The following RHBDD1 variants were observed in gnomAD, a reference collection of about 807,000 sequenced individuals.
RHBDD1 encodes the protein rhomboid domain containing 1.
Under a neutral mutation model 36.3 loss-of-function variants are expected in RHBDD1, and 38 were observed. The observed-to-expected ratio is 1.05, with a 90% CI of 0.81 to 1.37. The LOEUF (loss-of-function observed/expected upper bound fraction) is 1.37, where lower values mean the gene tolerates loss of function less well. RHBDD1 is among the 40% of genes most tolerant of loss of function. The pLI is 0.00. For missense variants in RHBDD1, 393 were observed against 377.6 expected, an observed-to-expected ratio of 1.04 and a Z score of -0.34; for synonymous variants, 151 against 136.5, an observed-to-expected ratio of 1.11 and a Z score of -0.74.
At chr2:226,952,839 T>C (rs899148465) in intron 8 of RHBDD1, among the ~76,000 whole-genome samples, 2 of 151,870 alleles carry the variant, frequency 1.3e-5, no homozygotes, top group African/African-American at 4.8e-5. Flanking sequence ...TGGAGGGAAC[T>C]AGTAAGGCAT....
chr2:226,920,252 G>A (rs1024209256), intron 8 of RHBDD1, among the ~76,000 whole-genome samples: 12 of 151,924 alleles, frequency 7.9e-5, no homozygotes, highest in Non-Finnish European at 1.2e-4. Context: ...TTTATATCCT[G>A]CAACTTTCCT....
the RHBDD1 span, among the ~76,000 whole-genome samples, chr2:226,812,380 G>A: frequency 1.3e-5 from 2 of 152,186 alleles, no homozygotes; most frequent in Admixed American, 1.3e-4. Context: ...ATTTGACCTA[G>A]CAATTCCATC....
intron 8 of RHBDD1, among the ~76,000 whole-genome samples, chr2:226,952,143 TACTA>T (rs1188361141): frequency 6.6e-6 from 1 of 152,146 alleles, no homozygotes; most frequent in Non-Finnish European, 1.5e-5. Context: ...CCCCAGGTGA[TACTA>T]ACAGGTCTTT....
At chr2:226,829,200 G>A in the RHBDD1 span, among the ~76,000 whole-genome samples, 3 of 152,218 alleles carry the variant, frequency 2.0e-5, no homozygotes, top group South Asian at 2.1e-4. Flanking sequence ...CACATAGGGG[G>A]TTATTTCAGT....
the RHBDD1 span, among the ~76,000 whole-genome samples, chr2:226,823,207 T>C: frequency 2.6e-5 from 4 of 152,228 alleles, no homozygotes; most frequent in Non-Finnish European, 5.9e-5. Flanking sequence ...AGTCACCATC[T>C]GTAATGCAGA....
intron 5 of RHBDD1, among the ~76,000 whole-genome samples, chr2:226,870,870 G>T (rs1478950851): frequency 6.6e-6 from 1 of 152,172 alleles, no homozygotes; most frequent in Non-Finnish European, 1.5e-5. Context: ...CATTGAGGAG[G>T]AGGAGGAGGA....
intron 3 of RHBDD1, among the ~76,000 whole-genome samples, chr2:226,856,581 A>G (rs1184098922): frequency 6.6e-6 from 1 of 152,240 alleles, no homozygotes; most frequent in Non-Finnish European, 1.5e-5. Context: ...TAGAAAAGCC[A>G]TGAATGAATA....
At chr2:226,862,710 A>G (rs1943963437) in intron 3 of RHBDD1, among the ~76,000 whole-genome samples, 1 of 152,160 alleles carries the variant, frequency 6.6e-6, no homozygotes, top group East Asian at 1.9e-4. Flanking sequence ...GGTTGCTATA[A>G]ATACCTGAGT....
In RHBDD1 at chr2:226,974,683, G is replaced by A. The variant is rs74846896; in HGVS notation, c.857-20748G>A. ...AATAAATGGGAAGGTACCTGTGGAA[G>A]TGATTTGTATAGATTTCCAGGCACC... On this transcript the variant is annotated intron_variant, in intron 8 of 8. Transcript: ENST00000392062. Among the ~76,000 whole-genome samples, 968 of 152,286 alleles carry A rather than the reference G, an allele frequency of 6.4e-3. 17 individuals carry two copies. The highest frequency in any genetic ancestry group is 0.022 in the African/African-American group (926 of 41,558).
At position 226,976,743 on chromosome 2, in the gene RHBDD1, A is replaced by G. The variant is rs116846163; in HGVS notation, c.857-18688A>G. ...GGTGTGGCTTCTAAGTGCTGCAGGC[A>G]CAAGGTACTATGACTTGGGCCTATC... On this transcript the variant is annotated intron_variant, in intron 8 of 8. Coordinates refer to ENST00000392062, the MANE Select transcript of RHBDD1 (RefSeq NM_001167608.3). Among the ~76,000 whole-genome samples, 32 of 152,318 alleles carry G rather than the reference A, an allele frequency of 2.1e-4. 1 individual carries two copies. The East Asian group carries it at 6.2e-3, about 29-fold the overall frequency.
chr2:226,933,249 T>G (rs1306043448), intron 8 of RHBDD1, among the ~76,000 whole-genome samples: 1 of 152,104 alleles, frequency 6.6e-6, no homozygotes, highest in African/African-American at 2.4e-5. Flanking sequence ...TTGCTCTTCT[T>G]TCAGGCATGT....
chr2:226,819,922 C>T, the RHBDD1 span, among the ~76,000 whole-genome samples: 15 of 151,014 alleles, frequency 9.9e-5, 1 homozygote, highest in Non-Finnish European at 2.1e-4. Context: ...AAGGTAAAAA[C>T]CTGTTGGTAA....
chr2:226,972,713 G>A (rs780611081), intron 8 of RHBDD1, among the ~76,000 whole-genome samples: 2 of 152,132 alleles, frequency 1.3e-5, no homozygotes, highest in South Asian at 2.1e-4. Context: ...AACAGTGAAC[G>A]GCACAGACTG....
chr2:226,964,401 A>C (rs987040326), intron 8 of RHBDD1, among the ~76,000 whole-genome samples: 1 of 152,012 alleles, frequency 6.6e-6, no homozygotes, highest in Non-Finnish European at 1.5e-5. Context: ...TGTTTTCCCA[A>C]TGTCACACTT....
upstream of RHBDD1, among the ~76,000 whole-genome samples, chr2:226,834,431 T>C (rs1940819177): frequency 6.6e-6 from 1 of 152,216 alleles, no homozygotes; most frequent in Non-Finnish European, 1.5e-5. Flanking sequence ...GAGTATATTG[T>C]TTTTCTAGGA....
chr2:226,906,596 G>T, intron 5 of RHBDD1, 197 bp from the exon 6 acceptor site: 2 of 1,213,028 alleles, frequency 1.6e-6, no homozygotes, highest in Admixed American at 2.9e-5. Flanking sequence ...TGTGGTGGTT[G>T]TTATTCATTG....
chr2:226,997,112 A>G lies in RHBDD1; in HGVS notation c.*1590A>G, dbSNP rs1167910965. 1.3e-5 allele frequency: 2 copies of G among 152,112 alleles called. No homozygotes were observed. Among genetic ancestry groups the G allele is most frequent in the African/African-American group, 4.8e-5 (2 of 41,420 alleles). 9.4% of individuals were successfully genotyped at this position (152,112 alleles called of 1,614,324 possible). ...ACCTGCATGGAAATGAGCTAAGAAA[A>G]CCACTGGAGCCTTGGGAGCTCTTTG... On this transcript the variant is annotated 3_prime_UTR_variant, in exon 9 of 9. Transcript: ENST00000392062.
chr2:226,941,254 C>T (rs766718209), intron 8 of RHBDD1, among the ~76,000 whole-genome samples: 1 of 152,188 alleles, frequency 6.6e-6, no homozygotes, highest in African/African-American at 2.4e-5. Flanking sequence ...GCGTGAGCCA[C>T]CCCGACCGGC....
chr2:226,902,803 C>G (rs753164042), intron 5 of RHBDD1, among the ~76,000 whole-genome samples: 1 of 152,144 alleles, frequency 6.6e-6, no homozygotes, highest in Non-Finnish European at 1.5e-5. Flanking sequence ...GCCTCCCTTC[C>G]CTAGATATTT....
Sources: gnomAD v4.1 joint callset for allele counts (sites outside exome capture counted in the v4.1 genomes callset) on GRCh38, gnomAD v4.1.1 for gene constraint, MANE v1.5 for transcripts, NCBI Gene and HGNC (gene_info 2026-07-23, HGNC 2026-07-21) for gene names.